The following APP variants were observed in gnomAD, a reference collection of about 807,000 sequenced individuals.
APP encodes the protein amyloid beta precursor protein.
In APP, 31 loss-of-function variants were observed where a neutral mutation model predicts 101.4. The ratio of observed to expected loss-of-function variants is 0.31; its 90% confidence interval spans 0.23 to 0.41. The LOEUF is 0.41. APP is among the 10% of genes least tolerant of loss of function. The pLI is 1.00. For missense variants in APP, 839 were observed against 1,003.7 expected, an observed-to-expected ratio of 0.84 and a Z score of 2.22; for synonymous variants, 366 against 364.4, an observed-to-expected ratio of 1.00 and a Z score of -0.05.
intron 1 of APP, among the ~76,000 whole-genome samples, chr21:26,165,928 T>C (rs538967171): frequency 6.6e-6 from 1 of 152,288 alleles, no homozygotes; most frequent in East Asian, 1.9e-4. Flanking sequence ...AATTTAAATA[T>C]GTGAATTTAT....
intron 3 of APP, among the ~76,000 whole-genome samples, chr21:26,087,833 C>A (rs1468988849): frequency 6.6e-6 from 1 of 152,136 alleles, no homozygotes; most frequent in Non-Finnish European, 1.5e-5. Context: ...GCTGTTGTTT[C>A]CCTAAATGGT....
chr21:25,931,735 T>C (rs1305121477), intron 13 of APP, among the ~76,000 whole-genome samples: 2 of 152,152 alleles, frequency 1.3e-5, no homozygotes, highest in Non-Finnish European at 2.9e-5. Flanking sequence ...AACTTCTAAT[T>C]CTTGACCTGA....
intron 2 of APP, among the ~76,000 whole-genome samples, chr21:26,090,685 G>T (rs908997976): frequency 6.6e-6 from 1 of 152,116 alleles, no homozygotes; most frequent in African/African-American, 2.4e-5. Flanking sequence ...CTAAACAAAC[G>T]TTACAGTAGA....
intron 1 of APP, among the ~76,000 whole-genome samples, chr21:26,128,788 T>A (rs1447748648): frequency 6.6e-6 from 1 of 152,148 alleles, no homozygotes; most frequent in East Asian, 1.9e-4. Flanking sequence ...CAAAATGTAT[T>A]TGACCGTGGG....
intron 17 of APP, 56 bp from the exon 18 acceptor site, chr21:25,881,827 A>G (rs1211936619): frequency 5.9e-6 from 9 of 1,527,582 alleles, no homozygotes; most frequent in Non-Finnish European, 7.2e-6. Flanking sequence ...TTAAGGGTGA[A>G]CATGGAGAAG....
intron 1 of APP, among the ~76,000 whole-genome samples, chr21:26,155,479 T>TTA (rs1354334695): frequency 1.3e-5 from 2 of 152,200 alleles, no homozygotes; most frequent in African/African-American, 4.8e-5. Context: ...AACGGTCCTA[T>TTA]TATACCTCTA....
intron 12 of APP, 124 bp downstream of exon 12, chr21:25,955,503 G>A (rs977966052): frequency 4.4e-6 from 6 of 1,377,530 alleles, no homozygotes; most frequent in African/African-American, 1.4e-5. Flanking sequence ...AGAAGTTAAA[G>A]AGCTCTTGCC....
intron 2 of APP, among the ~76,000 whole-genome samples, chr21:26,099,596 C>G (rs918402200): frequency 6.6e-6 from 1 of 152,238 alleles, no homozygotes; most frequent in Non-Finnish European, 1.5e-5. Context: ...ATATATACTT[C>G]TGTTTCTGGA....
At chr21:26,169,681 G>C (rs1266720561) in intron 1 of APP, among the ~76,000 whole-genome samples, 1 of 152,262 alleles carries the variant, frequency 6.6e-6, no homozygotes, top group Non-Finnish European at 1.5e-5. Flanking sequence ...CGGGAAGGGA[G>C]CCGGGCGGGA....
Position 26,136,416 on chromosome 21 carries a change from G to A in APP, c.58-24270C>T, listed in dbSNP as rs370207681. On this transcript the variant is annotated intron_variant, in intron 1 of 17. Transcript: ENST00000346798. Reference sequence around the variant, plus strand: ...CTGGATCCATCAGGCTTTATCTAGGGAGTGCTATTTTTAAAATATGTACAG... The same window carrying A: ...CTGGATCCATCAGGCTTTATCTAGGAAGTGCTATTTTTAAAATATGTACAG... 7.9e-5 allele frequency among the ~76,000 whole-genome samples: 12 copies of A among 152,104 alleles called. No homozygotes were observed. In the East Asian group the frequency reaches 2.1e-3, roughly 27 times the overall value.
rs2039867189 is a variant in APP at position 25,925,760 on chromosome 21, C to CT, written c.1688-13799_1688-13798insA. ...GACCAGCCTGGCCAACATGGTGAAA[C>CT]CCGTCTCTACTAAAAAAATACAAAA... On this transcript the variant is annotated intron_variant, in intron 13 of 17. Transcript: ENST00000346798. 0.014 allele frequency among the ~76,000 whole-genome samples: 3 copies of CT among 216 alleles called. No individual in the cohort carries two copies. The South Asian group carries it at 0.5, about 36-fold the overall frequency. The allele number at this position is 216 out of a possible 152,430, so 0.1% of individuals were successfully genotyped here.
At chr21:25,996,388 C>T (rs1216335790) in intron 8 of APP, among the ~76,000 whole-genome samples, 1 of 124,958 alleles carries the variant, frequency 8.0e-6, no homozygotes, top group African/African-American at 3.1e-5. Flanking sequence ...TCTGCGTGTA[C>T]GAATTAGTCC....
intron 13 of APP, among the ~76,000 whole-genome samples, chr21:25,932,204 T>C (rs1469338062): frequency 6.6e-6 from 1 of 152,194 alleles, no homozygotes; most frequent in Non-Finnish European, 1.5e-5. Context: ...GAGATAATAA[T>C]AAAATGCAAC....
intron 6 of APP, among the ~76,000 whole-genome samples, chr21:26,018,691 A>C (rs2044207299): frequency 6.6e-6 from 1 of 152,152 alleles, no homozygotes; most frequent in Non-Finnish European, 1.5e-5. Flanking sequence ...GAATGAATGG[A>C]CCTGCATTAA....
At chr21:25,977,379 C>T in intron 9 of APP, among the ~76,000 whole-genome samples, 1 of 152,168 alleles carries the variant, frequency 6.6e-6, no homozygotes, top group Middle Eastern at 3.2e-3. Context: ...TACTTGCATA[C>T]TCTGTGTACT....
intron 1 of APP, chr21:26,140,281 G>A: frequency 1.3e-6 from 2 of 1,535,448 alleles, no homozygotes; most frequent in Non-Finnish European, 1.7e-6. Flanking sequence ...ACTGTTAACT[G>A]CAGTGACCAC....
At chr21:25,893,958 C>G (rs2037860250) in intron 16 of APP, among the ~76,000 whole-genome samples, 1 of 152,232 alleles carries the variant, frequency 6.6e-6, no homozygotes, top group Non-Finnish European at 1.5e-5. Flanking sequence ...GGGGCTAATG[C>G]AGCTGGCGAC....
At chr21:26,026,075 C>T (rs2044558776) in intron 5 of APP, among the ~76,000 whole-genome samples, 1 of 152,164 alleles carries the variant, frequency 6.6e-6, no homozygotes, top group African/African-American at 2.4e-5. Flanking sequence ...TTTTGAAAAG[C>T]TCATCACAGT....
intron 1 of APP, among the ~76,000 whole-genome samples, chr21:26,154,470 A>G (rs2063335718): frequency 6.6e-6 from 1 of 152,176 alleles, no homozygotes; most frequent in Non-Finnish European, 1.5e-5. Context: ...ATATATGTAT[A>G]ATACTAGTCC....
Sources: gnomAD v4.1 joint callset for allele counts (sites outside exome capture counted in the v4.1 genomes callset) on GRCh38, gnomAD v4.1.1 for gene constraint, MANE v1.5 for transcripts, NCBI Gene and HGNC (gene_info 2026-07-23, HGNC 2026-07-21) for gene names.